The following QRFPR variants were observed in gnomAD, a reference collection of about 807,000 sequenced individuals.
QRFPR encodes the protein pyroglutamylated RFamide peptide receptor.
A neutral mutation model predicts 31.3 loss-of-function variants in QRFPR; 37 were observed. That is an observed-to-expected ratio of 1.18 (90% CI 0.91 to 1.56). The LOEUF is 1.56. Among genes scored for constraint, QRFPR ranks in the 40% most tolerant of loss-of-function variants. The pLI, the probability that QRFPR is intolerant of heterozygous loss-of-function variation, is 0.00. For missense variants in QRFPR, 542 were observed against 532.5 expected, an observed-to-expected ratio of 1.02 and a Z score of -0.18; for synonymous variants, 197 against 192.0, an observed-to-expected ratio of 1.03 and a Z score of -0.22.
At chr4:121,362,031 A>G (rs1417859186) in intron 1 of QRFPR, among the ~76,000 whole-genome samples, 1 of 150,180 alleles carries the variant, frequency 6.7e-6, no homozygotes, top group Admixed American at 6.6e-5. Flanking sequence ...AATAACTGCA[A>G]TTGTCTGCAA....
chr4:121,359,103 A>G (rs1176341153), intron 1 of QRFPR, among the ~76,000 whole-genome samples: 1 of 152,196 alleles, frequency 6.6e-6, no homozygotes, highest in East Asian at 1.9e-4. Context: ...TGTAGAGAAT[A>G]GGCCTTACAA....
Position 121,346,791 on chromosome 4 carries a change from AT to A in QRFPR, c.341-6182del, listed in dbSNP as rs1201636796. 2.6e-5 allele frequency among the ~76,000 whole-genome samples: 4 copies of A among 152,162 alleles called. No individual in the cohort carries two copies. The East Asian group carries it at 7.7e-4, about 29-fold the overall frequency. On this transcript the variant is annotated intron_variant, in intron 1 of 5. Coordinates refer to ENST00000394427, the MANE Select transcript of QRFPR (RefSeq NM_198179.3). ...TTTTCTTAATTGGTGTAATCATATG[AT>A]TTTTTTCTTCTTTAGCTTGATGGAT...
intron 3 of QRFPR, among the ~76,000 whole-genome samples, chr4:121,335,042 A>G (rs1725404660): frequency 6.6e-6 from 1 of 152,176 alleles, no homozygotes; most frequent in Admixed American, 6.5e-5. Context: ...GCATATTAAT[A>G]CATTTGTTTA....
chr4:121,380,186 G>GGAGAGAGAGGGA (rs1553948896), intron 1 of QRFPR, 122 bp downstream of exon 1: 3,514 of 234,328 alleles, frequency 0.015, 308 homozygotes, highest in Non-Finnish European at 0.019. Context: ...AGACGAGAGA[G>GGAGAGAGAGGGA]GAGAGAGAGA....
intron 1 of QRFPR, among the ~76,000 whole-genome samples, chr4:121,343,970 G>A (rs1647563964): frequency 6.6e-6 from 1 of 152,054 alleles, no homozygotes; most frequent in African/African-American, 2.4e-5. Context: ...TTGAAAAAAG[G>A]GATTAATAAT....
At chr4:121,352,334 G>C (rs1275988285) in intron 1 of QRFPR, among the ~76,000 whole-genome samples, 1 of 152,002 alleles carries the variant, frequency 6.6e-6, no homozygotes, top group East Asian at 1.9e-4. Flanking sequence ...TCCTCAGTGT[G>C]GTTTGCTTTG....
At chr4:121,374,283 T>G (rs1726309610) in intron 1 of QRFPR, among the ~76,000 whole-genome samples, 2 of 152,212 alleles carry the variant, frequency 1.3e-5, no homozygotes, top group Non-Finnish European at 1.5e-5. Context: ...AATCTACTTT[T>G]GCATTTTCTA....
chr4:121,336,922 A>T, intron 2 of QRFPR, 54 bp from the exon 3 acceptor site: 1 of 1,440,826 alleles, frequency 6.9e-7, no homozygotes, highest in Non-Finnish European at 9.8e-7. Context: ...AAACACATCC[A>T]TGCATAATTA....
intron 1 of QRFPR, among the ~76,000 whole-genome samples, chr4:121,367,583 A>G (rs1341070315): frequency 6.6e-6 from 1 of 150,556 alleles, no homozygotes; most frequent in Non-Finnish European, 1.5e-5. Context: ...TATTACTAAC[A>G]GTGCAACAAG....
chr4:121,375,327 C>T (rs1301313738), intron 1 of QRFPR, among the ~76,000 whole-genome samples: 1 of 152,150 alleles, frequency 6.6e-6, no homozygotes, highest in Admixed American at 6.5e-5. Context: ...GCTCTGGAAC[C>T]CTGACATCTA....
At chr4:121,380,230 A>ATCCCCT in intron 1 of QRFPR, 78 bp downstream of exon 1, 1 of 994,894 alleles carries the variant, frequency 1.0e-6, no homozygotes, top group Non-Finnish European at 1.5e-6. Flanking sequence ...AGAGAGAGAG[A>ATCCCCT]GAGAGAGAGA....
chr4:121,340,273 GC>G, intron 2 of QRFPR, 178 bp downstream of exon 2: 1 of 650,266 alleles, frequency 1.5e-6, no homozygotes, highest in Non-Finnish European at 2.7e-6. Flanking sequence ...TTTGAGGTCA[GC>G]CTAAAAGAGA....
chr4:121,366,512 AG>A (rs1481840523), intron 1 of QRFPR, among the ~76,000 whole-genome samples: 1 of 147,358 alleles, frequency 6.8e-6, no homozygotes, highest in Non-Finnish European at 1.5e-5. Flanking sequence ...CTCCACACAA[AG>A]AATTCTGGGT....
At position 121,380,919 on chromosome 4, in the gene QRFPR, C is replaced by T; in HGVS notation, c.-272G>A. The T allele has an allele frequency of 6.5e-6, 3 of 464,936 alleles. No individual in the cohort carries two copies. The highest frequency in any genetic ancestry group is 1.1e-5 in the Non-Finnish European group (3 of 263,528). The allele number at this position is 464,936 out of a possible 1,614,324, so 28.8% of individuals were successfully genotyped here. On this transcript the variant is annotated 5_prime_UTR_variant, in exon 1 of 6. Transcript: ENST00000394427. Reference sequence around the variant, plus strand: ...AAATGTTCGCGGTTCAAATAAAGTTCTTCCCTTGCTCTTCCCTAAGGCGAG... The same window carrying T: ...AAATGTTCGCGGTTCAAATAAAGTTTTTCCCTTGCTCTTCCCTAAGGCGAG...
At chr4:121,347,994 A>G (rs1396491734) in intron 1 of QRFPR, among the ~76,000 whole-genome samples, 2 of 152,062 alleles carry the variant, frequency 1.3e-5, no homozygotes, top group Admixed American at 1.3e-4. Flanking sequence ...TAACTTTTTT[A>G]TAGAGTATTT....
chr4:121,347,154 A>G (rs1210454631), intron 1 of QRFPR, among the ~76,000 whole-genome samples: 2 of 152,122 alleles, frequency 1.3e-5, no homozygotes, highest in Admixed American at 6.6e-5. Flanking sequence ...GGGTTTGGAA[A>G]TTTCTTTCTT....
chr4:121,366,026 C>A (rs1183669438), intron 1 of QRFPR, among the ~76,000 whole-genome samples: 1 of 148,914 alleles, frequency 6.7e-6, no homozygotes, highest in African/African-American at 2.5e-5. Flanking sequence ...ACTTTCACTA[C>A]AAAAATTTGT....
chr4:121,365,557 A>AATATATT (rs1726094065), intron 1 of QRFPR, among the ~76,000 whole-genome samples: 5 of 13,364 alleles, frequency 3.7e-4, no homozygotes, highest in African/African-American at 9.1e-4. Context: ...TATAATATAT[A>AATATATT]ATATATATTA....
In QRFPR at chr4:121,329,476, G is replaced by A; in HGVS notation, c.1134C>T (p.Leu378=). 4.3e-6 allele frequency: 7 copies of A among 1,614,118 alleles called. No homozygotes were observed. The highest frequency in any genetic ancestry group is 5.9e-6 in the Non-Finnish European group (7 of 1,180,000). Residue 378 remains leucine (L), a synonymous_variant, in exon 6 of 6, where the codon CTC becomes CTT. Coordinates refer to ENST00000394427, the MANE Select transcript of QRFPR (RefSeq NM_198179.3). ...TGGTTTCCTCCACTGGATTCTCTCT[G>A]AGGGAAAACTTTGCTTTCTTCCGCA... is the stretch of plus-strand genomic sequence containing the variant. ...TMMRKKAKFS[L]RENPVEETKG...
Sources: gnomAD v4.1 joint callset for allele counts (sites outside exome capture counted in the v4.1 genomes callset) on GRCh38, gnomAD v4.1.1 for gene constraint, MANE v1.5 for transcripts, NCBI Gene and HGNC (gene_info 2026-07-23, HGNC 2026-07-21) for gene names.